Variants in RUVBL1 observed in about 807,000 individuals in gnomAD.
RUVBL1 encodes ruvB-like 1.
A neutral mutation model predicts 52.4 loss-of-function variants in RUVBL1; 4 were observed. The observed-to-expected ratio is 0.08, with a 90% confidence interval of 0.04 to 0.17. The LOEUF (loss-of-function observed/expected upper bound fraction) is 0.17. RUVBL1 is among the 10% of genes least tolerant of loss of function. RUVBL1 has a pLI of 1.00. For missense variants in RUVBL1, 298 were observed against 572.8 expected, an observed-to-expected ratio of 0.52 and a Z score of 4.90; for synonymous variants, 217 against 214.4, an observed-to-expected ratio of 1.01 and a Z score of -0.10.
Position 128,150,986 on chromosome 3 carries a change from A to C in RUVBL1, c.-40+2217T>G, listed in dbSNP as rs1330421830. 4.5e-4 allele frequency among the ~76,000 whole-genome samples: 34 copies of C among 75,858 alleles called. 1 individual carries two copies. In the East Asian group the frequency reaches 9.5e-3, roughly 21 times the overall value. 49.8% of individuals were successfully genotyped at this position (75,858 alleles called of 152,430 possible). A position where few individuals can be genotyped will look rare whatever the true frequency, so the allele number is the denominator to read the frequency against. On this transcript the variant is annotated intron_variant, in intron 1 of 9. Transcript: ENST00000464873. ...CTATATATTATATATTATATATTCT[A>C]TATATATTATATATATTATATTATA...
At chr3:128,135,935 A>T (rs765956321) in intron 1 of RUVBL1, among the ~76,000 whole-genome samples, 1 of 152,374 alleles carries the variant, frequency 6.6e-6, no homozygotes, top group Non-Finnish European at 1.5e-5. Flanking sequence ...TATATATCAT[A>T]GAAACAACAA....
chr3:128,146,067 G>A (rs1559839048), intron 1 of RUVBL1, among the ~76,000 whole-genome samples: 1 of 152,310 alleles, frequency 6.6e-6, no homozygotes, highest in Non-Finnish European at 1.5e-5. Flanking sequence ...GAGTAGGGAG[G>A]GGGCTGTACT....
intron 2 of RUVBL1, among the ~76,000 whole-genome samples, chr3:128,114,205 A>C (rs1005682202): frequency 6.6e-6 from 1 of 152,192 alleles, no homozygotes; most frequent in African/African-American, 2.4e-5. Flanking sequence ...CAGGAGCACG[A>C]GTAAGGCCAG....
intron 1 of RUVBL1, among the ~76,000 whole-genome samples, chr3:128,148,225 G>A (rs191411757): frequency 6.6e-6 from 1 of 152,280 alleles, no homozygotes; most frequent in African/African-American, 2.4e-5. Context: ...ACCAACAAGG[G>A]TGAATTTTAC....
At chr3:128,153,255 C>T in exon 1 of RUVBL1, 2 of 1,348,862 alleles carry the variant, frequency 1.5e-6, no homozygotes, top group Non-Finnish European at 1.9e-6. Context: ...ATCTCGGGCT[C>T]CTAGAGGCTT....
intron 1 of RUVBL1, among the ~76,000 whole-genome samples, chr3:128,145,485 A>C (rs1450561979): frequency 1.3e-5 from 2 of 152,248 alleles, no homozygotes; most frequent in African/African-American, 4.8e-5. Flanking sequence ...TAGCCAATCC[A>C]GCCCCCAGAG....
chr3:128,071,121 C>G (rs1340471877), intron 9 of RUVBL1: 1 of 152,360 alleles, frequency 6.6e-6, no homozygotes, highest in South Asian at 2.1e-4. Context: ...GAGGGGCACA[C>G]TCTGGAGACC....
At chr3:128,114,133 G>A (rs1474317443) in intron 2 of RUVBL1, among the ~76,000 whole-genome samples, 1 of 152,170 alleles carries the variant, frequency 6.6e-6, no homozygotes, top group Non-Finnish European at 1.5e-5. Context: ...TTTAAAGTTG[G>A]TACAGAACTG....
chr3:128,119,184 A>C, intron 2 of RUVBL1, 144 bp downstream of exon 2: 1 of 536,244 alleles, frequency 1.9e-6, no homozygotes, highest in East Asian at 3.2e-5. Context: ...TTAGATACCC[A>C]ATTGTATTAT....
At chr3:128,137,935 C>T (rs1192139158) in intron 1 of RUVBL1, among the ~76,000 whole-genome samples, 1 of 152,144 alleles carries the variant, frequency 6.6e-6, no homozygotes, top group Non-Finnish European at 1.5e-5. Flanking sequence ...AAATGAAGGA[C>T]AAAAGCCATA....
At chr3:128,074,365 CCTAAT>C (rs948389006) in intron 9 of RUVBL1, among the ~76,000 whole-genome samples, 2 of 141,262 alleles carry the variant, frequency 1.4e-5, no homozygotes, top group African/African-American at 2.6e-5. Context: ...AGCAGGAAAA[CCTAAT>C]CTATTGCAAA....
At chr3:128,150,356 C>T (rs1944167490) in intron 1 of RUVBL1, among the ~76,000 whole-genome samples, 1 of 151,786 alleles carries the variant, frequency 6.6e-6, no homozygotes, top group Admixed American at 6.6e-5. Context: ...ATATATATAT[C>T]TCCTAAGCCC....
chr3:128,126,134 G>A (rs1943786078), upstream of RUVBL1, among the ~76,000 whole-genome samples: 1 of 152,118 alleles, frequency 6.6e-6, no homozygotes, highest in Admixed American at 6.5e-5. Context: ...CAGTACGGGT[G>A]GGGACAGGGA....
intron 1 of RUVBL1, among the ~76,000 whole-genome samples, chr3:128,130,226 A>G (rs1038406992): frequency 6.8e-5 from 10 of 146,958 alleles, no homozygotes; most frequent in African/African-American, 2.1e-4. Context: ...TATTTACTAT[A>G]CAGAAATAAA....
At chr3:128,109,726 TCAAA>T (rs1258219106) in intron 3 of RUVBL1, among the ~76,000 whole-genome samples, 1 of 149,878 alleles carries the variant, frequency 6.7e-6, no homozygotes, top group Non-Finnish European at 1.5e-5. Context: ...ACTCCTGGGC[TCAAA>T]CAATCTGCCT....
At chr3:128,152,403 C>T (rs1944234033) in intron 1 of RUVBL1, among the ~76,000 whole-genome samples, 1 of 152,158 alleles carries the variant, frequency 6.6e-6, no homozygotes, top group South Asian at 2.1e-4. Flanking sequence ...ACTGGAGTTT[C>T]AACTCAAACA....
chr3:128,132,433 A>T (rs1943893750), intron 1 of RUVBL1, among the ~76,000 whole-genome samples: 1 of 152,120 alleles, frequency 6.6e-6, no homozygotes, highest in Non-Finnish European at 1.5e-5. Flanking sequence ...TGCTTGCATC[A>T]CCACTCCCCC....
chr3:128,092,095 A>G (rs919176079), intron 8 of RUVBL1, among the ~76,000 whole-genome samples: 9 of 152,358 alleles, frequency 5.9e-5, no homozygotes, highest in African/African-American at 1.9e-4. Context: ...AAACAATTCA[A>G]TAAAAAAAGA....
intron 1 of RUVBL1, among the ~76,000 whole-genome samples, chr3:128,142,782 C>G (rs1944045372): frequency 6.6e-6 from 1 of 152,064 alleles, no homozygotes; most frequent in Admixed American, 6.6e-5. Flanking sequence ...TCCTGCCTCT[C>G]TCCTTTTTTT....
Sources: gnomAD v4.1 joint callset for allele counts (sites outside exome capture counted in the v4.1 genomes callset) on GRCh38, gnomAD v4.1.1 for gene constraint, MANE v1.5 for transcripts, NCBI Gene and HGNC (gene_info 2026-07-23, HGNC 2026-07-21) for gene names.